Variants in GBE1 observed in about 807,000 individuals in gnomAD.
GBE1 encodes the protein 1,4-alpha-glucan branching enzyme 1.
Under a neutral mutation model 88.8 loss-of-function variants are expected in GBE1, and 70 were observed. The ratio of observed to expected loss-of-function variants is 0.79; its 90% CI spans 0.65 to 0.96. The LOEUF is 0.96. Among genes scored for constraint, GBE1 ranks in the 40% least tolerant of loss-of-function variants. The pLI is 0.00. For synonymous variants in GBE1, 284 were observed against 300.1 expected (o/e 0.95, Z 0.56); for missense variants, 872 against 871.0 (o/e 1.00, Z -0.01).
At chr3:81,534,001 T>C (rs948968944) in intron 14 of GBE1, among the ~76,000 whole-genome samples, 3 of 152,038 alleles carry the variant, frequency 2.0e-5, no homozygotes, top group African/African-American at 7.2e-5. Context: ...ATGTGACAAA[T>C]ACATTTTCCT....
chr3:81,671,019 AAAAC>A (rs1705181817), intron 2 of GBE1, 66 bp from the exon 3 acceptor site: 1 of 662,370 alleles, frequency 1.5e-6, no homozygotes, highest in East Asian at 3.4e-5. Context: ...AATTTCAAGA[AAAAC>A]AAAATACTGC....
Position 81,730,586 on chromosome 3 carries a change from G to A in GBE1, c.144-24973C>T, listed in dbSNP as rs115276153. ...TTTGTGTTCTTCATGTCACTGAAGCGTGGAAAGAAAAAAAGCAAATTGGGT... is the reference window on the plus strand; with the variant it reads ...TTTGTGTTCTTCATGTCACTGAAGCATGGAAAGAAAAAAAGCAAATTGGGT... On this transcript the variant is annotated intron_variant, in intron 1 of 15. Transcript: ENST00000429644. 4.0e-3 allele frequency among the ~76,000 whole-genome samples: 614 copies of A among 152,254 alleles called. 6 individuals carry two copies. The highest frequency in any genetic ancestry group is 0.014 in the African/African-American group (582 of 41,562).
chr3:81,532,378 A>G (rs888239275), intron 14 of GBE1, among the ~76,000 whole-genome samples: 1 of 152,004 alleles, frequency 6.6e-6, no homozygotes, highest in Non-Finnish European at 1.5e-5. Flanking sequence ...TACCACCAGC[A>G]TACTTTCTAT....
intron 12 of GBE1, among the ~76,000 whole-genome samples, chr3:81,542,369 C>T (rs1025395576): frequency 6.6e-6 from 1 of 152,022 alleles, no homozygotes; most frequent in Non-Finnish European, 1.5e-5. Flanking sequence ...ATTTCCCTAA[C>T]ATAAACTGAA....
At chr3:81,682,799 A>C (rs1197284396) in intron 2 of GBE1, among the ~76,000 whole-genome samples, 1 of 152,258 alleles carries the variant, frequency 6.6e-6, no homozygotes, top group Non-Finnish European at 1.5e-5. Flanking sequence ...ACTTGAACAT[A>C]AATGTTCATA....
intron 14 of GBE1, among the ~76,000 whole-genome samples, chr3:81,523,100 T>C (rs1356018544): frequency 1.3e-5 from 2 of 151,288 alleles, no homozygotes; most frequent in Non-Finnish European, 3.0e-5. Flanking sequence ...TGTCAGTATA[T>C]ATAAACTAAC....
chr3:81,646,899 T>C (rs770156174), intron 5 of GBE1, among the ~76,000 whole-genome samples: 9 of 151,940 alleles, frequency 5.9e-5, no homozygotes, highest in South Asian at 4.1e-4. Context: ...TATATTTCAA[T>C]CCTTTTTTCC....
intron 12 of GBE1, among the ~76,000 whole-genome samples, chr3:81,570,933 G>A (rs970083279): frequency 6.6e-6 from 1 of 152,112 alleles, no homozygotes; most frequent in African/African-American, 2.4e-5. Flanking sequence ...TTTCTACCAA[G>A]TGCCCTATAT....
At chr3:81,576,347 T>C (rs1703647095) in intron 12 of GBE1, among the ~76,000 whole-genome samples, 2 of 152,166 alleles carry the variant, frequency 1.3e-5, no homozygotes, top group South Asian at 2.1e-4. Context: ...GCAGTTATCA[T>C]CTTCTATTTT....
At chr3:81,737,178 G>A (rs1026127747) in intron 1 of GBE1, among the ~76,000 whole-genome samples, 5 of 149,936 alleles carry the variant, frequency 3.3e-5, no homozygotes, top group Non-Finnish European at 7.4e-5. Flanking sequence ...TAATCTCCAC[G>A]TGTAAATCAG....
chr3:81,555,294 G>A (rs1703332029), intron 12 of GBE1, among the ~76,000 whole-genome samples: 2 of 152,124 alleles, frequency 1.3e-5, no homozygotes, highest in Non-Finnish European at 2.9e-5. Context: ...GTATCTTTAA[G>A]ATAATGGCGC....
chr3:81,737,841 C>T (rs1192541731), intron 1 of GBE1, among the ~76,000 whole-genome samples: 13 of 152,026 alleles, frequency 8.6e-5, no homozygotes, highest in South Asian at 4.2e-4. Flanking sequence ...CATGCTGGTG[C>T]GCTGCACCCA....
intron 2 of GBE1, among the ~76,000 whole-genome samples, chr3:81,674,024 A>C (rs1056826918): frequency 6.6e-6 from 1 of 151,976 alleles, no homozygotes; most frequent in Non-Finnish European, 1.5e-5. Context: ...GCAAGCATAT[A>C]TGTATGAAAC....
chr3:81,732,015 C>CA (rs1706193227), intron 1 of GBE1, among the ~76,000 whole-genome samples: 1 of 151,752 alleles, frequency 6.6e-6, no homozygotes, highest in Non-Finnish European at 1.5e-5. Flanking sequence ...ATGGGAAAAA[C>CA]AAAAACAAAA....
chr3:81,620,724 T>C (rs1195163556), intron 7 of GBE1, among the ~76,000 whole-genome samples: 1 of 152,144 alleles, frequency 6.6e-6, no homozygotes, highest in Non-Finnish European at 1.5e-5. Context: ...TAGATTATAC[T>C]TAAACAGTAT....
chr3:81,526,243 G>A (rs1049876904), intron 14 of GBE1, among the ~76,000 whole-genome samples: 7 of 151,892 alleles, frequency 4.6e-5, no homozygotes, highest in East Asian at 3.9e-4. Context: ...CTTTGTTTAC[G>A]ACAAACCCAC....
At chr3:81,702,928 G>C (rs1293610070) in intron 2 of GBE1, among the ~76,000 whole-genome samples, 11 of 151,806 alleles carry the variant, frequency 7.2e-5, no homozygotes. Flanking sequence ...CACAAATCTA[G>C]TTTTCATATA....
intron 1 of GBE1, among the ~76,000 whole-genome samples, chr3:81,714,180 A>G (rs1447228836): frequency 6.6e-6 from 1 of 152,236 alleles, no homozygotes. Context: ...ATGTCTTCCT[A>G]GTACATACAA....
chr3:81,761,605 G>A lies in GBE1; in HGVS notation c.-88C>T. The A allele has an allele frequency of 6.1e-6, 9 of 1,484,890 alleles. No individual in the cohort carries two copies. Among genetic ancestry groups the A allele is most frequent in the South Asian group, 1.3e-5 (1 of 79,488 alleles). 92.0% of individuals were successfully genotyped at this position (1,484,890 alleles called of 1,614,324 possible). A position where few individuals can be genotyped will look rare whatever the true frequency, so the allele number is the denominator to read the frequency against. ...AGCTCTAGCTGGGACGCGGCGGCTA[G>A]GGCGGAGCCGGAGGGCGCCTAGGCG... On this transcript the variant is annotated 5_prime_UTR_variant, in exon 1 of 16. Coordinates refer to ENST00000429644, the MANE Select transcript of GBE1 (RefSeq NM_000158.4).
Sources: allele counts gnomAD v4.1 joint callset (sites outside exome capture counted in the v4.1 genomes callset), GRCh38; gene constraint gnomAD v4.1.1; transcripts MANE v1.5; gene names NCBI Gene and HGNC (gene_info 2026-07-23, HGNC 2026-07-21).